COL22A1: variants seen among roughly 807,000 people sequenced by gnomAD.
COL22A1 encodes the protein collagen type XXII alpha 1 chain.
In COL22A1, 221 loss-of-function variants were observed where a neutral mutation model predicts 248.9. The observed-to-expected ratio is 0.89, with a 90% CI of 0.80 to 0.99. The LOEUF is 0.99. Among genes scored for constraint, COL22A1 ranks in the 50% least tolerant of loss-of-function variants. The probability of loss-of-function intolerance (pLI) is 0.00; values close to 1 mark genes in which losing one functional copy is unlikely to be tolerated. For missense variants in COL22A1, 2,240 were observed against 2,179.0 expected (o/e 1.03, Z -0.56); for synonymous variants, 891 against 793.4 (o/e 1.12, Z -2.07).
chr8:138,787,980 T>C (rs1285479226), intron 12 of COL22A1, among the ~76,000 whole-genome samples: 1 of 152,226 alleles, frequency 6.6e-6, no homozygotes, highest in Non-Finnish European at 1.5e-5. Flanking sequence ...TAATTAAATA[T>C]CAGGCCCTAT....
At chr8:138,846,286 G>C (rs1338738134) in intron 3 of COL22A1, among the ~76,000 whole-genome samples, 1 of 152,154 alleles carries the variant, frequency 6.6e-6, no homozygotes, top group African/African-American at 2.4e-5. Context: ...TAAAATTTAA[G>C]ACGAGTTGAC....
At chr8:138,758,853 A>G (rs868413207) in intron 18 of COL22A1, among the ~76,000 whole-genome samples, 1 of 152,206 alleles carries the variant, frequency 6.6e-6, no homozygotes. Context: ...TTTCCCAAAT[A>G]TGAAGGGCCA....
At chr8:138,734,649 A>G (rs893788044) in intron 23 of COL22A1, among the ~76,000 whole-genome samples, 5 of 152,200 alleles carry the variant, frequency 3.3e-5, no homozygotes, top group Non-Finnish European at 7.3e-5. Context: ...CAGAAATACC[A>G]TTTGACCCAG....
intron 23 of COL22A1, among the ~76,000 whole-genome samples, chr8:138,729,267 G>A (rs1212494481): frequency 2.6e-5 from 4 of 152,140 alleles, no homozygotes; most frequent in African/African-American, 4.8e-5. Context: ...TCAAGGACAC[G>A]GGTCTCACCC....
chr8:138,750,008 T>C (rs1586646490), intron 22 of COL22A1, among the ~76,000 whole-genome samples: 1 of 152,296 alleles, frequency 6.6e-6, no homozygotes, highest in African/African-American at 2.4e-5. Context: ...GGAAGGTCTT[T>C]CCCATGCTGT....
intron 48 of COL22A1, among the ~76,000 whole-genome samples, chr8:138,635,503 G>C (rs1026345974): frequency 7.9e-5 from 12 of 152,230 alleles, no homozygotes; most frequent in African/African-American, 2.9e-4. Context: ...GAAATGGTTA[G>C]GTTAACTGAA....
intron 55 of COL22A1, 151 bp from the exon 56 acceptor site, chr8:138,614,071 C>G: frequency 3.0e-6 from 2 of 673,728 alleles, no homozygotes; most frequent in Non-Finnish European, 2.7e-6. Context: ...TCCATTATTC[C>G]AAATATGGAC....
intron 35 of COL22A1, among the ~76,000 whole-genome samples, chr8:138,692,128 ACGTGTG>A (rs1350722879): frequency 2.9e-4 from 2 of 6,820 alleles, no homozygotes; most frequent in Admixed American, 2.7e-3. Context: ...GTATGTGTGT[ACGTGTG>A]TGCATGTTTG....
intron 27 of COL22A1, among the ~76,000 whole-genome samples, chr8:138,720,389 T>C (rs759941368): frequency 3.3e-5 from 5 of 152,038 alleles, no homozygotes; most frequent in East Asian, 1.9e-4. Flanking sequence ...AGCCAGACGC[T>C]GATGATATTC....
At chr8:138,725,330 C>A (rs972980018) in intron 24 of COL22A1, 57 bp downstream of exon 24, 1 of 1,559,942 alleles carries the variant, frequency 6.4e-7, no homozygotes, top group Non-Finnish European at 8.8e-7. Context: ...CCCCAGGTCC[C>A]ACAGGCCAGG....
At position 138,634,995 on chromosome 8, in the gene COL22A1, A is replaced by T; in HGVS notation, c.3609+15T>A. 6.4e-7 allele frequency: 1 copy of T among 1,565,370 alleles called. No individual in the cohort carries two copies. Among genetic ancestry groups the T allele is most frequent in the Non-Finnish European group, 8.8e-7 (1 of 1,136,018 alleles). On this transcript the variant is annotated intron_variant, in intron 49 of 64. Transcript: ENST00000303045. ...TCAAGGCCGAAAGAGGAGGGGATTA[A>T]AGATGATTACTTACTGGTGGCCCAG... is the stretch of plus-strand genomic sequence containing the variant.
chr8:138,815,905 T>C (rs2131723274), intron 7 of COL22A1, among the ~76,000 whole-genome samples: 1 of 152,276 alleles, frequency 6.6e-6, no homozygotes, highest in Non-Finnish European at 1.5e-5. Flanking sequence ...CATGTTGGAC[T>C]CGGGAGTCCC....
At chr8:138,691,683 A>AC (rs145860473) in intron 35 of COL22A1, among the ~76,000 whole-genome samples, 2 of 29,288 alleles carry the variant, frequency 6.8e-5, no homozygotes, top group African/African-American at 1.1e-4. Flanking sequence ...ATATGTGTAC[A>AC]GTGCATGTGT....
At chr8:138,910,994 A>G (rs1815412201) in intron 1 of COL22A1, among the ~76,000 whole-genome samples, 1 of 152,210 alleles carries the variant, frequency 6.6e-6, no homozygotes, top group African/African-American at 2.4e-5. Context: ...CCAGCAGACT[A>G]TTAAGGCTGG....
chr8:138,727,418 C>T (rs1009959215), intron 23 of COL22A1, among the ~76,000 whole-genome samples: 7 of 152,170 alleles, frequency 4.6e-5, no homozygotes, highest in Admixed American at 1.3e-4. Flanking sequence ...CTTCTTGTTC[C>T]CCCTGCACCT....
At chr8:138,717,598 G>A (rs1024585101) in intron 27 of COL22A1, among the ~76,000 whole-genome samples, 5 of 151,888 alleles carry the variant, frequency 3.3e-5, no homozygotes, top group African/African-American at 1.2e-4. Context: ...TGAGTAGATG[G>A]GACTATAGGC....
intron 44 of COL22A1, 76 bp downstream of exon 44, chr8:138,660,360 T>C (rs1377495952): frequency 2.3e-6 from 3 of 1,317,180 alleles, no homozygotes; most frequent in Non-Finnish European, 3.3e-6. Context: ...CTCTTGAACT[T>C]TCTGAGTTGC....
intron 10 of COL22A1, among the ~76,000 whole-genome samples, chr8:138,804,255 C>T (rs1430083549): frequency 6.6e-6 from 1 of 152,142 alleles, no homozygotes; most frequent in Non-Finnish European, 1.5e-5. Flanking sequence ...GGAACCCCAG[C>T]CTTTGACTCA....
At chr8:138,725,573 G>C (rs1830236292) in intron 23 of COL22A1, 133 bp from the exon 24 acceptor site, 4 of 738,912 alleles carry the variant, frequency 5.4e-6, no homozygotes, top group Non-Finnish European at 8.6e-6. Flanking sequence ...TGTAATGCCT[G>C]ATTTTTCAAA....
Sources: gnomAD v4.1 joint callset for allele counts (sites outside exome capture counted in the v4.1 genomes callset) on GRCh38, gnomAD v4.1.1 for gene constraint, MANE v1.5 for transcripts, NCBI Gene and HGNC (gene_info 2026-07-23, HGNC 2026-07-21) for gene names.